GCFC2: variants seen among roughly 807,000 people sequenced by gnomAD.
GCFC2 encodes the protein GC-rich sequence DNA-binding factor 2.
A neutral mutation model predicts 99.4 loss-of-function variants in GCFC2; 102 were observed. The ratio of observed to expected loss-of-function variants is 1.03; its 90% CI spans 0.87 to 1.21. GCFC2 has a LOEUF of 1.21. GCFC2 is among the 50% of genes most tolerant of loss of function. The pLI, the probability that GCFC2 is intolerant of heterozygous loss-of-function variation, is 0.00. For missense variants in GCFC2, 973 were observed against 920.9 expected (o/e 1.06, Z -0.73); for synonymous variants, 338 against 316.8 (o/e 1.07, Z -0.71).
rs769795342 is a variant in GCFC2, at chr2:75,710,884, G to C, written c.-29C>G. On this transcript the variant is annotated 5_prime_UTR_variant, in exon 1 of 17. Transcript: ENST00000321027. The stretch of plus-strand genomic sequence containing the variant: ...CGAGGCCCGAGCGCCCGGCGCCCTA[G>C]AACCCGCTGAACCGCAAGCCGCAGC... The C allele has an allele frequency of 1.3e-6, 2 of 1,496,202 alleles. No homozygotes were observed. Among genetic ancestry groups the C allele is most frequent in the East Asian group, 2.7e-5 (1 of 36,892 alleles). The allele number at this position is 1,496,202 out of a possible 1,614,324, so 92.7% of individuals were successfully genotyped here.
rs780171325 is a variant in GCFC2, at chr2:75,710,889, C to G, written c.-34G>C. ...CCCGAGCGCCCGGCGCCCTAGAACC[C>G]GCTGAACCGCAAGCCGCAGCTTCAG... On this transcript the variant is annotated 5_prime_UTR_variant, in exon 1 of 17. Transcript: ENST00000321027. 2.0e-6 allele frequency: 3 copies of G among 1,493,458 alleles called. No individual in the cohort carries two copies. The highest frequency in any genetic ancestry group is 1.5e-5 in the African/African-American group (1 of 68,436). 92.5% of individuals were successfully genotyped at this position (1,493,458 alleles called of 1,614,324 possible).
chr2:75,681,511 G>A (rs1031665458), intron 11 of GCFC2, among the ~76,000 whole-genome samples: 3 of 151,878 alleles, frequency 2.0e-5, no homozygotes, highest in Non-Finnish European at 4.4e-5. Context: ...GGCTGTTTGG[G>A]CAGACATCAA....
chr2:75,681,199 C>T (rs963005508), intron 11 of GCFC2, among the ~76,000 whole-genome samples: 5 of 152,132 alleles, frequency 3.3e-5, no homozygotes, highest in African/African-American at 1.2e-4. Context: ...CGTAGAAGGC[C>T]GGTGATTTCT....
At chr2:75,702,174 T>C in intron 3 of GCFC2, 25 bp downstream of exon 3, 2 of 1,590,992 alleles carry the variant, frequency 1.3e-6, no homozygotes, top group South Asian at 2.2e-5. Flanking sequence ...AATATCCTAA[T>C]CTTCATATAT....
intron 12 of GCFC2, among the ~76,000 whole-genome samples, chr2:75,677,997 C>A (rs1679424178): frequency 1.3e-5 from 2 of 151,564 alleles, no homozygotes; most frequent in African/African-American, 4.8e-5. Context: ...AAAAAGACTT[C>A]ATGAGTGAAT....
At chr2:75,690,787 T>C in intron 7 of GCFC2, 68 bp from the exon 8 acceptor site, 1 of 781,410 alleles carries the variant, frequency 1.3e-6, no homozygotes, top group Non-Finnish European at 2.2e-6. Context: ...GCTTTGAAAA[T>C]AAAGGTAATA....
chr2:75,677,999 T>C (rs1573053069), intron 12 of GCFC2, among the ~76,000 whole-genome samples: 1 of 150,966 alleles, frequency 6.6e-6, no homozygotes, highest in Non-Finnish European at 1.5e-5. Context: ...AAAGACTTCA[T>C]GAGTGAATCC....
chr2:75,712,781 C>A (rs1490796282), upstream of GCFC2, among the ~76,000 whole-genome samples: 1 of 152,054 alleles, frequency 6.6e-6, no homozygotes, highest in Non-Finnish European at 1.5e-5. Flanking sequence ...GGGGCAGACC[C>A]CAGACGCGCC....
At chr2:75,699,272 T>G (rs1242751502) in intron 4 of GCFC2, among the ~76,000 whole-genome samples, 7 of 152,238 alleles carry the variant, frequency 4.6e-5, no homozygotes, top group Non-Finnish European at 7.3e-5. Flanking sequence ...TATTATTTTT[T>G]CCAAATGGTT....
chr2:75,705,731 T>C (rs1680832519), intron 2 of GCFC2, among the ~76,000 whole-genome samples: 1 of 152,064 alleles, frequency 6.6e-6, no homozygotes, highest in Non-Finnish European at 1.5e-5. Flanking sequence ...TACAAAGCTA[T>C]GTATTTTACT....
chr2:75,666,240 T>C (rs1443678880), intron 15 of GCFC2, among the ~76,000 whole-genome samples, 187 bp from the exon 16 acceptor site: 3 of 152,228 alleles, frequency 2.0e-5, no homozygotes, highest in Non-Finnish European at 2.9e-5. Context: ...CATTCTTTAA[T>C]GCTAAGAACT....
In GCFC2 at chr2:75,689,133, G is replaced by C. The variant is rs764347758; in HGVS notation, c.1432C>G (p.Arg478Gly). ...TAATAGGAGTCAGGAAACTTTTCTC[G>C]CCATTGCTGAAATTTCAACAAAATA... ...QNILLKFQQWREKFPDSYYEA... is the reference protein window; with the variant it reads ...QNILLKFQQWGEKFPDSYYEA... Residue 478 changes from arginine (R) to glycine (G), a missense_variant, in exon 10 of 17, where the codon CGA becomes GGA. By Grantham distance (125) the Arg-to-Gly change is moderately radical. Coordinates refer to ENST00000321027, the MANE Select transcript of GCFC2 (RefSeq NM_003203.5). 90 of 1,595,818 alleles carry C rather than the reference G, an allele frequency of 5.6e-5. 2 individuals carry two copies. The Admixed American group carries it at 1.5e-3, about 27-fold the overall frequency.
intron 11 of GCFC2, among the ~76,000 whole-genome samples, chr2:75,684,823 T>C (rs1384218569): frequency 6.6e-6 from 1 of 152,266 alleles, no homozygotes; most frequent in African/African-American, 2.4e-5. Context: ...CCATCAATGA[T>C]AGACTGGATT....
At chr2:75,692,724 T>G (rs1395234499) in intron 6 of GCFC2, among the ~76,000 whole-genome samples, 1 of 152,004 alleles carries the variant, frequency 6.6e-6, no homozygotes. Context: ...AGATTTTTTT[T>G]TGAGACAGAA....
At chr2:75,691,175 C>T (rs774417780) in intron 7 of GCFC2, among the ~76,000 whole-genome samples, 13 of 152,174 alleles carry the variant, frequency 8.5e-5, no homozygotes, top group Non-Finnish European at 1.8e-4. Flanking sequence ...CCTCTATATA[C>T]ACACCTATGA....
chr2:75,683,889 A>C (rs1283927061), intron 11 of GCFC2, among the ~76,000 whole-genome samples: 1 of 152,154 alleles, frequency 6.6e-6, no homozygotes, highest in Non-Finnish European at 1.5e-5. Context: ...GGTATTACAT[A>C]ATGGTGAAGG....
At position 75,665,929 on chromosome 2, in the gene GCFC2, C is replaced by G; in HGVS notation, c.2228G>C (p.Arg743Thr). 1 of 1,574,306 alleles carries G rather than the reference C, an allele frequency of 6.4e-7. No homozygotes were observed. The highest frequency in any genetic ancestry group is 1.1e-5 in the South Asian group (1 of 87,542). Residue 743 changes from arginine to threonine, a missense_variant and splice_region_variant, in exon 16 of 17, where the codon AGG (arginine) becomes ACG (threonine). Arg to Thr is a moderately conservative substitution (Grantham distance 71). Coordinates refer to ENST00000321027, the MANE Select transcript of GCFC2 (RefSeq NM_003203.5). ...SAHKLSRSEF[R>T]DEVEEIILIL... ...GAAGTGAAAATAAAATATGCATTAC[C>G]TGAATTCACTTCTAGATAATTTATG...
intron 10 of GCFC2, among the ~76,000 whole-genome samples, chr2:75,688,748 T>C (rs1015593871): frequency 6.6e-6 from 1 of 152,086 alleles, no homozygotes; most frequent in African/African-American, 2.4e-5. Flanking sequence ...AACCCAACAG[T>C]ACCTTATACT....
At chr2:75,684,163 C>A (rs537522514) in intron 11 of GCFC2, among the ~76,000 whole-genome samples, 7 of 152,270 alleles carry the variant, frequency 4.6e-5, no homozygotes, top group African/African-American at 1.7e-4. Context: ...CACCCCAAAT[C>A]GACAGAATAT....
Sources: gnomAD v4.1 joint callset for allele counts (sites outside exome capture counted in the v4.1 genomes callset) on GRCh38, gnomAD v4.1.1 for gene constraint, MANE v1.5 for transcripts, NCBI Gene and HGNC (gene_info 2026-07-23, HGNC 2026-07-21) for gene names.